Variants in AVIL observed in about 807,000 individuals in gnomAD.
The protein encoded by AVIL is advillin.
A neutral mutation model predicts 109.9 loss-of-function variants in AVIL; 78 were observed. That is an observed-to-expected ratio of 0.71 (90% CI 0.59 to 0.86). AVIL has a LOEUF of 0.86. Among genes scored for constraint, AVIL ranks in the 40% least tolerant of loss-of-function variants. AVIL has a pLI of 0.00. For missense variants in AVIL, 892 were observed against 1,016.5 expected, an observed-to-expected ratio of 0.88 and a Z score of 1.67; for synonymous variants, 367 against 379.1, an observed-to-expected ratio of 0.97 and a Z score of 0.37.
intron 3 of AVIL, 129 bp from the exon 4 acceptor site, chr12:57,813,552 G>A: frequency 1.1e-6 from 1 of 907,068 alleles, no homozygotes; most frequent in African/African-American, 1.7e-5. Flanking sequence ...TCCTGCAGTG[G>A]ATGTGGGAGC....
chr12:57,801,108 T>C (rs377066678), intron 18 of AVIL, 36 bp downstream of exon 18: 5 of 1,589,164 alleles, frequency 3.1e-6, no homozygotes, highest in East Asian at 2.2e-5. Context: ...TGGTTGCCCA[T>C]GTGGCTGGCT....
At chr12:57,802,385 C>T (rs1310656071) in intron 16 of AVIL, 37 bp from the exon 17 acceptor site, 1 of 1,569,396 alleles carries the variant, frequency 6.4e-7, no homozygotes. Flanking sequence ...TTACTGTGTT[C>T]ATACCAAGGA....
Position 57,799,929 on chromosome 12 carries a change from G to C in AVIL, c.2221-9C>G. On this transcript the variant is annotated splice_polypyrimidine_tract_variant and intron_variant, in intron 18 of 19. Coordinates refer to ENST00000549994, the MANE Select transcript of AVIL (RefSeq NM_006576.4). Reference sequence around the variant, plus strand: ...GTTGCATTCTTCATGTCCTAGGTAAGATAAGAATGTAGGCACAGGGAAAAG... The same window carrying C: ...GTTGCATTCTTCATGTCCTAGGTAACATAAGAATGTAGGCACAGGGAAAAG... 1 of 1,614,046 alleles carries C rather than the reference G, an allele frequency of 6.2e-7. No homozygotes were observed. Among genetic ancestry groups the C allele is most frequent in the Non-Finnish European group, 8.5e-7 (1 of 1,179,928 alleles).
intron 19 of AVIL, among the ~76,000 whole-genome samples, chr12:57,798,582 A>G (rs938721989): frequency 1.4e-4 from 21 of 151,878 alleles, no homozygotes; most frequent in African/African-American, 4.8e-4. Flanking sequence ...GCCTAAATCA[A>G]CTTCTTCAAG....
chr12:57,815,431 G>C (rs1321623055), intron 2 of AVIL: 1 of 475,284 alleles, frequency 2.1e-6, no homozygotes, highest in African/African-American at 2.1e-5. Flanking sequence ...GCAGGGGTTG[G>C]GGGGAATCCT....
chr12:57,802,431 C>T, intron 16 of AVIL, 83 bp from the exon 17 acceptor site: 2 of 1,466,970 alleles, frequency 1.4e-6, no homozygotes, highest in Non-Finnish European at 1.9e-6. Context: ...CCTATCTTTC[C>T]CCTTTCTTTC....
intron 7 of AVIL, 108 bp downstream of exon 7, chr12:57,810,241 C>A: frequency 8.2e-7 from 1 of 1,224,800 alleles, no homozygotes; most frequent in Non-Finnish European, 1.1e-6. Context: ...AAGAAGAAAA[C>A]CAGATGGCTA....
intron 14 of AVIL, 156 bp from the exon 15 acceptor site, chr12:57,803,825 G>A (rs1686214862): frequency 9.8e-7 from 1 of 1,015,936 alleles, no homozygotes; most frequent in Non-Finnish European, 1.4e-6. Context: ...TTCTAGTGCT[G>A]GGGAGTGGGG....
intron 7 of AVIL, 37 bp from the exon 8 acceptor site, chr12:57,809,927 C>T: frequency 6.2e-7 from 1 of 1,601,146 alleles, no homozygotes; most frequent in African/African-American, 1.3e-5. Flanking sequence ...GCCTTTTCCT[C>T]TATAAAGCAT....
rs1468176265 is a variant in AVIL, at chr12:57,811,128, C to G, written c.339-1G>C. 1 of 1,613,898 alleles carries G rather than the reference C, an allele frequency of 6.2e-7. No homozygotes were observed. The highest frequency in any genetic ancestry group is 8.5e-7 in the Non-Finnish European group (1 of 1,179,906). Reference sequence around the variant, plus strand: ...AGAGGCGACACCCCCCTGCTTGTAGCTAAGGGAACATCCATTCAGTTATTT... The same window carrying G: ...AGAGGCGACACCCCCCTGCTTGTAGGTAAGGGAACATCCATTCAGTTATTT... On this transcript the variant is annotated splice_acceptor_variant, in intron 4 of 19. Transcript: ENST00000549994. LOFTEE classifies it high-confidence loss of function.
At chr12:57,807,784 C>A in intron 11 of AVIL, 57 bp from the exon 12 acceptor site, 1 of 1,608,116 alleles carries the variant, frequency 6.2e-7, no homozygotes, top group Non-Finnish European at 8.5e-7. Context: ...AGGGGCTAGG[C>A]CACACTAAAG....
intron 18 of AVIL, chr12:57,800,787 T>C (rs936204644): frequency 6.1e-6 from 1 of 163,824 alleles, no homozygotes; most frequent in Non-Finnish European, 1.3e-5. Context: ...TTCATATTTT[T>C]AGTAGAGACG....
chr12:57,811,446 A>T (rs143972152), intron 4 of AVIL, among the ~76,000 whole-genome samples: 22 of 152,342 alleles, frequency 1.4e-4, no homozygotes, highest in South Asian at 6.2e-4. Flanking sequence ...TGCACCACAG[A>T]GGGCTTGTTT....
intron 18 of AVIL, chr12:57,800,689 C>T (rs1293959781): frequency 6.5e-6 from 1 of 154,692 alleles, no homozygotes. Context: ...CTCACAGCAA[C>T]TTCCGCTTCC....
At chr12:57,811,536 C>G (rs1956037893) in intron 4 of AVIL, among the ~76,000 whole-genome samples, 2 of 152,206 alleles carry the variant, frequency 1.3e-5, no homozygotes, top group South Asian at 4.1e-4. Flanking sequence ...ATTAATGACT[C>G]CACGGCCTTA....
chr12:57,806,102 T>C lies in AVIL; in HGVS notation c.1671+258A>G. On this transcript the variant is annotated intron_variant, in intron 14 of 19. Transcript: ENST00000549994. ...TGCCTGCCTCAGCCTCCCAAAGTGC[T>C]AGGATTACAGGGATGAGCCACCGTG... 7.8e-6 allele frequency: 3 copies of C among 385,258 alleles called. No homozygotes were observed. In the South Asian group the frequency reaches 8.2e-5, roughly 10 times the overall value. The allele number at this position is 385,258 out of a possible 1,614,324, so 23.9% of individuals were successfully genotyped here.
intron 6 of AVIL, 96 bp from the exon 7 acceptor site, chr12:57,810,647 T>A (rs985613488): frequency 6.8e-7 from 1 of 1,461,528 alleles, no homozygotes; most frequent in Admixed American, 1.8e-5. Context: ...ACACAGGAGT[T>A]ACTTGGATGC....
chr12:57,803,328 T>C lies in AVIL; in HGVS notation c.1881A>G (p.Gln627=). The change falls in exon 16 of 20, where the codon CAA becomes CAG. Residue 627 remains glutamine, a synonymous_variant. Coordinates refer to ENST00000549994, the MANE Select transcript of AVIL (RefSeq NM_006576.4). ...RLFECSNKTG[Q]FVVTEITDFT... ...AGTCTGTGATCTCAGTGACAACGAA[T>C]TGGCCGGTCTTATTGGAACATTCAA... The C allele has an allele frequency of 6.2e-7, 1 of 1,614,196 alleles. No individual in the cohort carries two copies. The highest frequency in any genetic ancestry group is 2.2e-5 in the East Asian group (1 of 44,888).
In AVIL at chr12:57,797,518, A is replaced by G. The variant is rs1196226321; in HGVS notation, c.*364T>C. 2.1e-6 allele frequency: 2 copies of G among 967,726 alleles called. No homozygotes were observed. Among genetic ancestry groups the G allele is most frequent in the Non-Finnish European group, 2.5e-6 (2 of 813,756 alleles). 59.9% of individuals were successfully genotyped at this position (967,726 alleles called of 1,614,324 possible). ...AATAGATTTTAGAAATAATCATCTT[A>G]AAATTGAAAACAAAGGTAGGTCCTG... On this transcript the variant is annotated 3_prime_UTR_variant, in exon 20 of 20. Coordinates refer to ENST00000549994, the MANE Select transcript of AVIL (RefSeq NM_006576.4).
Sources: gnomAD v4.1 joint callset for allele counts (sites outside exome capture counted in the v4.1 genomes callset) on GRCh38, gnomAD v4.1.1 for gene constraint, MANE v1.5 for transcripts, NCBI Gene and HGNC (gene_info 2026-07-23, HGNC 2026-07-21) for gene names.